The following NUBPL variants were observed in gnomAD, a reference collection of about 807,000 sequenced individuals.
NUBPL encodes the protein iron-sulfur cluster transfer protein NUBPL.
NUBPL carries 31 observed loss-of-function variants against 45.7 expected under a neutral mutation model. That is an observed-to-expected ratio of 0.68 (90% confidence interval 0.51 to 0.92). The LOEUF (loss-of-function observed/expected upper bound fraction) is 0.92. NUBPL is among the 40% of genes least tolerant of loss of function. The probability of loss-of-function intolerance (pLI) is 0.00; values close to 1 mark genes in which losing one functional copy is unlikely to be tolerated. For missense variants in NUBPL, 401 were observed against 398.7 expected (o/e 1.01, Z -0.05); for synonymous variants, 144 against 140.9 (o/e 1.02, Z -0.15).
intron 7 of NUBPL, among the ~76,000 whole-genome samples, chr14:31,789,906 T>C (rs1386355010): frequency 7.0e-6 from 1 of 143,578 alleles, no homozygotes; most frequent in African/African-American, 2.6e-5. Context: ...TGATTTTTCT[T>C]TTTTTTTTTT....
intron 4 of NUBPL, among the ~76,000 whole-genome samples, chr14:31,636,433 G>T (rs943214142): frequency 2.0e-5 from 3 of 152,194 alleles, no homozygotes; most frequent in Non-Finnish European, 4.4e-5. Context: ...GCATCGCAGG[G>T]ATGAAGCCCA....
chr14:31,631,808 C>T (rs891237865), intron 4 of NUBPL, among the ~76,000 whole-genome samples: 2 of 152,062 alleles, frequency 1.3e-5, no homozygotes, highest in African/African-American at 2.4e-5. Context: ...GGATGATGCC[C>T]ACCCACATGA....
intron 6 of NUBPL, among the ~76,000 whole-genome samples, chr14:31,780,500 A>T (rs954909252): frequency 6.6e-6 from 1 of 152,336 alleles, no homozygotes; most frequent in East Asian, 1.9e-4. Flanking sequence ...AGGATATGTT[A>T]TCAAATTATT....
At chr14:31,629,113 A>G (rs2035279737) in intron 4 of NUBPL, among the ~76,000 whole-genome samples, 2 of 152,214 alleles carry the variant, frequency 1.3e-5, no homozygotes, top group South Asian at 4.1e-4. Context: ...ATCATCTGAA[A>G]GATTCTTGGG....
At chr14:31,807,504 T>C (rs1196032603) in intron 7 of NUBPL, among the ~76,000 whole-genome samples, 2 of 152,044 alleles carry the variant, frequency 1.3e-5, no homozygotes, top group Non-Finnish European at 2.9e-5. Context: ...TTACGTTCTT[T>C]GTAGATTCTG....
At chr14:31,572,618 T>C (rs1374635920) in intron 3 of NUBPL, among the ~76,000 whole-genome samples, 2 of 152,148 alleles carry the variant, frequency 1.3e-5, no homozygotes, top group African/African-American at 4.8e-5. Context: ...TTGTGAGAAG[T>C]GGTATGGGAT....
At chr14:31,840,709 A>G (rs981891499) in intron 8 of NUBPL, among the ~76,000 whole-genome samples, 4 of 152,180 alleles carry the variant, frequency 2.6e-5, no homozygotes, top group Non-Finnish European at 4.4e-5. Context: ...GGAATCCAAA[A>G]AAAGTTGTAT....
intron 7 of NUBPL, among the ~76,000 whole-genome samples, chr14:31,800,261 C>T (rs1309583153): frequency 6.6e-6 from 1 of 152,184 alleles, no homozygotes; most frequent in Non-Finnish European, 1.5e-5. Context: ...CAACTTCTTC[C>T]AAACTCCTGT....
chr14:31,589,328 C>T (rs2034080365), intron 3 of NUBPL, among the ~76,000 whole-genome samples: 1 of 151,986 alleles, frequency 6.6e-6, no homozygotes, highest in Admixed American at 6.6e-5. Flanking sequence ...GTTTATTTCA[C>T]TCATGATTTA....
intron 6 of NUBPL, among the ~76,000 whole-genome samples, chr14:31,703,629 G>A (rs1336940705): frequency 2.0e-5 from 3 of 152,192 alleles, no homozygotes; most frequent in Non-Finnish European, 4.4e-5. Flanking sequence ...ATCAGATCTT[G>A]TGAGACTTAT....
At chr14:31,631,515 T>G (rs2035343382) in intron 4 of NUBPL, among the ~76,000 whole-genome samples, 1 of 151,588 alleles carries the variant, frequency 6.6e-6, no homozygotes, top group South Asian at 2.1e-4. Flanking sequence ...CAAAGAGATT[T>G]ATTATAAGGA....
At chr14:31,704,876 C>A (rs28435781) in intron 6 of NUBPL, among the ~76,000 whole-genome samples, 5,513 of 152,132 alleles carry the variant, frequency 0.036, 131 homozygotes, top group African/African-American at 0.076. Flanking sequence ...AGCCGCGGAC[C>A]CTTGTGCTGA....
At chr14:31,723,276 T>G (rs1162588562) in intron 6 of NUBPL, among the ~76,000 whole-genome samples, 1 of 152,110 alleles carries the variant, frequency 6.6e-6, no homozygotes, top group Non-Finnish European at 1.5e-5. Flanking sequence ...ATTTCTGGGT[T>G]ATTTATTCTG....
intron 6 of NUBPL, among the ~76,000 whole-genome samples, chr14:31,776,654 C>T (rs2039102700): frequency 6.6e-6 from 1 of 152,268 alleles, no homozygotes; most frequent in South Asian, 2.1e-4. Context: ...GGTTATGTGA[C>T]CTTCAAACTG....
At chr14:31,787,694 A>G in intron 6 of NUBPL, 86 bp from the exon 7 acceptor site, 1 of 894,164 alleles carries the variant, frequency 1.1e-6, no homozygotes, top group African/African-American at 1.7e-5. Flanking sequence ...ATGATTTTAT[A>G]TTTGTTATTA....
chr14:31,676,202 T>C (rs1420331646), intron 6 of NUBPL, among the ~76,000 whole-genome samples: 1 of 152,084 alleles, frequency 6.6e-6, no homozygotes, highest in African/African-American at 2.4e-5. Flanking sequence ...TTTGTATTTT[T>C]AGTAGGGACG....
At chr14:31,612,538 G>A (rs1230502642) in intron 4 of NUBPL, among the ~76,000 whole-genome samples, 1 of 152,182 alleles carries the variant, frequency 6.6e-6, no homozygotes, top group East Asian at 1.9e-4. Context: ...GCATGTGCCT[G>A]TAATCCCAGC....
intron 4 of NUBPL, among the ~76,000 whole-genome samples, chr14:31,672,117 A>G (rs1358207516): frequency 6.6e-6 from 1 of 152,206 alleles, no homozygotes; most frequent in Non-Finnish European, 1.5e-5. Flanking sequence ...TTACTTCACT[A>G]TAAGCAATAG....
Position 31,827,177 on chromosome 14 carries a change from A to G in NUBPL, c.693+463A>G, listed in dbSNP as rs139019028. On this transcript the variant is annotated intron_variant, in intron 8 of 10. Transcript: ENST00000281081. Reference sequence around the variant, plus strand: ...ATTTGGTGGAATGAAAGTTAAAAATAAGATAAAAATAGACAAAATAATTAA... The same window carrying G: ...ATTTGGTGGAATGAAAGTTAAAAATGAGATAAAAATAGACAAAATAATTAA... Among the ~76,000 whole-genome samples the G allele has an allele frequency of 2.5e-3, 387 of 152,334 alleles. 3 individuals are homozygous for G. Among genetic ancestry groups the G allele is most frequent in the African/African-American group, 8.7e-3 (363 of 41,574 alleles).
Sources: gnomAD v4.1 joint callset for allele counts (sites outside exome capture counted in the v4.1 genomes callset) on GRCh38, gnomAD v4.1.1 for gene constraint, MANE v1.5 for transcripts, NCBI Gene and HGNC (gene_info 2026-07-23, HGNC 2026-07-21) for gene names.